ANKRD26: variants seen among roughly 807,000 people sequenced by gnomAD.
The protein encoded by ANKRD26 is ankyrin repeat domain-containing protein 26.
A neutral mutation model predicts 208.7 loss-of-function variants in ANKRD26; 141 were observed. That is an observed-to-expected ratio of 0.68 (90% CI 0.59 to 0.78). The LOEUF (loss-of-function observed/expected upper bound fraction) is 0.78, where lower values mean the gene tolerates loss of function less well. Among genes scored for constraint, ANKRD26 ranks in the 30% least tolerant of loss-of-function variants. The pLI is 0.00. For synonymous variants in ANKRD26, 636 were observed against 660.4 expected, an observed-to-expected ratio of 0.96 and a Z score of 0.57; for missense variants, 1,889 against 1,938.7, an observed-to-expected ratio of 0.97 and a Z score of 0.48.
At chr10:27,029,945 G>A (rs999927122) in intron 25 of ANKRD26, among the ~76,000 whole-genome samples, 2 of 152,180 alleles carry the variant, frequency 1.3e-5, no homozygotes, top group African/African-American at 4.8e-5. Flanking sequence ...AACATTCAGT[G>A]TCTCAATTTC....
intron 20 of ANKRD26, among the ~76,000 whole-genome samples, chr10:27,042,714 C>G (rs1200599465): frequency 6.6e-6 from 1 of 150,544 alleles, no homozygotes; most frequent in African/African-American, 2.4e-5. Flanking sequence ...GATCGCGCCA[C>G]TGCACTCCAG....
At chr10:27,003,734 T>G (rs1361319977), downstream of ANKRD26, among the ~76,000 whole-genome samples, 1 of 152,088 alleles carries the variant, frequency 6.6e-6, no homozygotes, top group African/African-American at 2.4e-5. Context: ...CTAAAGCTAA[T>G]CATGAGGAAA....
chr10:27,092,625 A>C, intron 3 of ANKRD26, 113 bp from the exon 4 acceptor site: 2 of 832,092 alleles, frequency 2.4e-6, no homozygotes, highest in Admixed American at 4.6e-5. Flanking sequence ...AAAACAAATA[A>C]AAAACACTTG....
At chr10:26,997,848 CTT>C (rs1359780751) in intron 4 of ANKRD26, among the ~76,000 whole-genome samples, 1 of 152,146 alleles carries the variant, frequency 6.6e-6, no homozygotes, top group Non-Finnish European at 1.5e-5. Context: ...CCACTTGTTT[CTT>C]TGTTTGATCA....
At chr10:27,055,515 C>T (rs981098358) in intron 15 of ANKRD26, among the ~76,000 whole-genome samples, 1 of 152,002 alleles carries the variant, frequency 6.6e-6, no homozygotes, top group Non-Finnish European at 1.5e-5. Flanking sequence ...TTACTGTAGA[C>T]CAGATCACAT....
At chr10:27,038,920 A>T (rs2135231903) in intron 21 of ANKRD26, among the ~76,000 whole-genome samples, 1 of 152,210 alleles carries the variant, frequency 6.6e-6, no homozygotes, top group Middle Eastern at 3.4e-3. Flanking sequence ...CATACTTTTT[A>T]TGTTTCTTTT....
downstream of ANKRD26, among the ~76,000 whole-genome samples, chr10:27,002,708 C>T (rs767616633): frequency 1.1e-4 from 16 of 152,172 alleles, no homozygotes; most frequent in Non-Finnish European, 1.6e-4. Flanking sequence ...TGCTGTGGTA[C>T]ACAATTATGT....
At chr10:27,017,073 A>G (rs2053319992) in intron 30 of ANKRD26, among the ~76,000 whole-genome samples, 1 of 152,214 alleles carries the variant, frequency 6.6e-6, no homozygotes, top group Admixed American at 6.5e-5. Context: ...GTGCACCTGT[A>G]GTCCCAGCTA....
intron 5 of ANKRD26, among the ~76,000 whole-genome samples, chr10:27,085,291 G>T (rs1156602985): frequency 6.6e-6 from 1 of 151,936 alleles, no homozygotes; most frequent in East Asian, 1.9e-4. Context: ...AGTAGAGACG[G>T]GGTTTCACCA....
intron 32 of ANKRD26, among the ~76,000 whole-genome samples, chr10:27,008,046 A>C (rs1484247487): frequency 6.6e-6 from 1 of 151,942 alleles, no homozygotes; most frequent in Non-Finnish European, 1.5e-5. Context: ...TTATATACTT[A>C]ATTATGAAAT....
At chr10:27,068,459 G>A (rs2055347212) in intron 9 of ANKRD26, among the ~76,000 whole-genome samples, 1 of 152,164 alleles carries the variant, frequency 6.6e-6, no homozygotes, top group Non-Finnish European at 1.5e-5. Context: ...TGACAACAGA[G>A]TAATACATGC....
intron 12 of ANKRD26, chr10:27,062,185 G>A (rs1229550423): frequency 1.0e-6 from 1 of 983,012 alleles, no homozygotes; most frequent in Non-Finnish European, 1.2e-6. Flanking sequence ...AACATTCTCA[G>A]CACTTCTTTC....
At chr10:27,047,722 C>A (rs180800412) in intron 17 of ANKRD26, among the ~76,000 whole-genome samples, 14,259 of 144,556 alleles carry the variant, frequency 0.099, 1,980 homozygotes, top group African/African-American at 0.31. Context: ...ACTACTACTA[C>A]TAATAATAAT....
chr10:27,099,946 C>T (rs937381484), intron 1 of ANKRD26, 139 bp downstream of exon 1: 1 of 1,372,594 alleles, frequency 7.3e-7, no homozygotes, highest in Admixed American at 1.8e-5. Context: ...GCGCTGGAGC[C>T]CTGCAAGGTG....
At chr10:27,045,138 T>C (rs1564385399) in intron 18 of ANKRD26, among the ~76,000 whole-genome samples, 2 of 152,186 alleles carry the variant, frequency 1.3e-5, no homozygotes, top group Admixed American at 6.6e-5. Context: ...AAAATCCTTA[T>C]TGAAGCTGGG....
chr10:26,960,498 C>T, the ANKRD26 span, among the ~76,000 whole-genome samples: 1 of 152,188 alleles, frequency 6.6e-6, no homozygotes, highest in Non-Finnish European at 1.5e-5. Flanking sequence ...ACACCCAGTC[C>T]ATATGACCAC....
the ANKRD26 span, among the ~76,000 whole-genome samples, chr10:26,964,181 T>A: frequency 1.3e-5 from 2 of 152,084 alleles, no homozygotes; most frequent in Non-Finnish European, 2.9e-5. Flanking sequence ...AGGGCTGGGA[T>A]TACAGGCATG....
chr10:26,955,834 T>A, the ANKRD26 span, among the ~76,000 whole-genome samples: 1 of 152,228 alleles, frequency 6.6e-6, no homozygotes, highest in East Asian at 1.9e-4. Flanking sequence ...TGGAAGAAAA[T>A]TATGTTCATA....
Position 27,039,983 on chromosome 10 carries a change from C to A in ANKRD26, c.2357G>T (p.Arg786Leu), listed in dbSNP as rs201496310. ...ATCATACCTCAAAGAGCACAGTTCT[C>A]GTTCCCATTCAACTTTTTGATGCTC... is the stretch of plus-strand genomic sequence containing the variant. Reference protein sequence around the residue: ...QLEHQKVEWERELCSLRFSLN... With the variant: ...QLEHQKVEWELELCSLRFSLN... The change falls in exon 21 of 34, where the codon CGA (arginine) becomes CTA (leucine). Residue 786 changes from arginine (R) to leucine (L), a missense_variant. Coordinates refer to ENST00000376087, the MANE Select transcript of ANKRD26 (RefSeq NM_014915.3). The A allele has an allele frequency of 8.1e-6, 13 of 1,613,420 alleles. No homozygotes were observed. The highest frequency in any genetic ancestry group is 1.3e-5 in the African/African-American group (1 of 74,910).
Sources: gnomAD v4.1 joint callset for allele counts (sites outside exome capture counted in the v4.1 genomes callset) on GRCh38, gnomAD v4.1.1 for gene constraint, MANE v1.5 for transcripts, NCBI Gene and HGNC (gene_info 2026-07-23, HGNC 2026-07-21) for gene names.